The following SMARCC1 variants were observed in gnomAD, a reference collection of about 807,000 sequenced individuals.
SMARCC1 encodes SWI/SNF related BAF chromatin remodeling complex subunit C1.
A neutral mutation model predicts 147.4 loss-of-function variants in SMARCC1; 43 were observed. The observed-to-expected ratio is 0.29, with a 90% confidence interval of 0.23 to 0.38. SMARCC1 has a LOEUF of 0.38. SMARCC1 is among the 10% of genes least tolerant of loss of function. The pLI, the probability that SMARCC1 is intolerant of heterozygous loss-of-function variation, is 1.00. For missense variants in SMARCC1, 1,119 were observed against 1,381.1 expected (o/e 0.81, Z 3.01); for synonymous variants, 495 against 484.4 (o/e 1.02, Z -0.29).
At chr3:47,711,592 T>C (rs1055487489) in intron 8 of SMARCC1, among the ~76,000 whole-genome samples, 1 of 152,202 alleles carries the variant, frequency 6.6e-6, no homozygotes, top group African/African-American at 2.4e-5. Flanking sequence ...ATTACAATTA[T>C]GAAGCCTTTC....
intron 15 of SMARCC1, 27 bp from the exon 16 acceptor site, chr3:47,678,338 G>T: frequency 8.5e-7 from 1 of 1,182,512 alleles, no homozygotes; most frequent in South Asian, 1.3e-5. Context: ...AAATTCATAA[G>T]GTGGACATGT....
intron 12 of SMARCC1, among the ~76,000 whole-genome samples, chr3:47,690,500 C>G (rs1192022031): frequency 6.6e-6 from 1 of 152,076 alleles, no homozygotes; most frequent in Non-Finnish European, 1.5e-5. Flanking sequence ...GTTGGATTGG[C>G]TTGGTAACTT....
At chr3:47,625,695 T>A (rs2032800254) in intron 24 of SMARCC1, among the ~76,000 whole-genome samples, 1 of 152,028 alleles carries the variant, frequency 6.6e-6, no homozygotes, top group Non-Finnish European at 1.5e-5. Flanking sequence ...GGATCATAGA[T>A]CTAAATATAA....
chr3:47,735,536 G>A (rs2034431343), intron 5 of SMARCC1, among the ~76,000 whole-genome samples: 1 of 152,118 alleles, frequency 6.6e-6, no homozygotes, highest in Non-Finnish European at 1.5e-5. Flanking sequence ...TTGGGAGGCT[G>A]AGGTGGGGAG....
chr3:47,760,150 C>G (rs955977793), intron 2 of SMARCC1, among the ~76,000 whole-genome samples: 15 of 151,812 alleles, frequency 9.9e-5, no homozygotes, highest in African/African-American at 3.1e-4. Context: ...CCCATCTCTA[C>G]CAAAAATACA....
chr3:47,615,092 A>T (rs1051854604), intron 25 of SMARCC1, among the ~76,000 whole-genome samples: 2 of 152,186 alleles, frequency 1.3e-5, no homozygotes, highest in Non-Finnish European at 2.9e-5. Flanking sequence ...GACACCACTC[A>T]AAACAGAAAT....
chr3:47,657,625 C>A (rs1383215041), intron 21 of SMARCC1, among the ~76,000 whole-genome samples: 1 of 151,844 alleles, frequency 6.6e-6, no homozygotes, highest in Non-Finnish European at 1.5e-5. Context: ...ATAGTGAAAC[C>A]CCATCTCTAC....
intron 11 of SMARCC1, among the ~76,000 whole-genome samples, chr3:47,697,649 T>A (rs1043279365): frequency 1.7e-4 from 26 of 151,372 alleles, no homozygotes; most frequent in Non-Finnish European, 3.1e-4. Context: ...CCAAACTCAT[T>A]TTATGAGGCC....
chr3:47,655,249 A>G (rs1206896918), intron 21 of SMARCC1, among the ~76,000 whole-genome samples: 2 of 152,212 alleles, frequency 1.3e-5, no homozygotes, highest in East Asian at 1.9e-4. Flanking sequence ...GAAAAAGACA[A>G]TAGCCAGCAA....
At chr3:47,644,783 T>C (rs2033096573) in intron 21 of SMARCC1, among the ~76,000 whole-genome samples, 1 of 152,138 alleles carries the variant, frequency 6.6e-6, no homozygotes. Flanking sequence ...GCTGGGATTA[T>C]CAGCATGAGC....
intron 22 of SMARCC1, among the ~76,000 whole-genome samples, chr3:47,636,786 A>G (rs866847721): frequency 2.7e-4 from 38 of 141,026 alleles, no homozygotes; most frequent in East Asian, 1.9e-3. Context: ...CAAAATATAT[A>G]TATGTGTGTG....
intron 11 of SMARCC1, among the ~76,000 whole-genome samples, chr3:47,699,752 T>C (rs779727706): frequency 3.3e-5 from 5 of 152,156 alleles, no homozygotes; most frequent in Non-Finnish European, 7.4e-5. Flanking sequence ...GACTTATCAA[T>C]TGCTCTGTTT....
intron 26 of SMARCC1, among the ~76,000 whole-genome samples, chr3:47,600,998 TGAGAGAGAGAGAGAGA>T (rs66582985): frequency 0.025 from 2,109 of 85,184 alleles, 55 homozygotes; most frequent in South Asian, 0.069. Context: ...AGGAAGAAAA[TGAGAGAGAGAGAGAGA>T]GAGAGAGAGA....
intron 12 of SMARCC1, among the ~76,000 whole-genome samples, chr3:47,691,468 G>T (rs1417441288): frequency 1.3e-5 from 2 of 151,984 alleles, no homozygotes; most frequent in Non-Finnish European, 2.9e-5. Context: ...ACAAAAATTA[G>T]CCGGGAGTGG....
chr3:47,714,729 G>A (rs970738523), intron 7 of SMARCC1, among the ~76,000 whole-genome samples: 18 of 152,110 alleles, frequency 1.2e-4, no homozygotes, highest in Non-Finnish European at 2.2e-4. Context: ...AGGAGGCAGA[G>A]GTTGCAGTGA....
intron 26 of SMARCC1, among the ~76,000 whole-genome samples, chr3:47,594,808 C>T (rs1349978027): frequency 6.6e-6 from 1 of 152,144 alleles, no homozygotes; most frequent in African/African-American, 2.4e-5. Context: ...AGGCCACATG[C>T]TTGTAGATCC....
chr3:47,750,725 T>G (rs551043470), intron 2 of SMARCC1, among the ~76,000 whole-genome samples: 1 of 152,236 alleles, frequency 6.6e-6, no homozygotes, highest in East Asian at 1.9e-4. Context: ...AATCTGAATT[T>G]TCTCAACAGT....
At chr3:47,734,551 C>T (rs1278060179) in intron 5 of SMARCC1, among the ~76,000 whole-genome samples, 2 of 152,182 alleles carry the variant, frequency 1.3e-5, no homozygotes, top group Admixed American at 1.3e-4. Context: ...AAAACTCAGT[C>T]ACATAAAGAA....
intron 2 of SMARCC1, among the ~76,000 whole-genome samples, chr3:47,766,313 C>T (rs1463498924): frequency 6.6e-6 from 1 of 151,892 alleles, no homozygotes; most frequent in Non-Finnish European, 1.5e-5. Context: ...TGTCTGTAAA[C>T]CCAGGACTTT....
Sources: gnomAD v4.1 joint callset for allele counts (sites outside exome capture counted in the v4.1 genomes callset) on GRCh38, gnomAD v4.1.1 for gene constraint, MANE v1.5 for transcripts, NCBI Gene and HGNC (gene_info 2026-07-23, HGNC 2026-07-21) for gene names.